The following AGRN variants were observed in gnomAD, a reference collection of about 807,000 sequenced individuals.
AGRN encodes the protein agrin, also known as agrin proteoglycan.
In AGRN, 106 loss-of-function variants were observed where a neutral mutation model predicts 211.0. The observed-to-expected ratio is 0.50, with a 90% CI of 0.43 to 0.59. The LOEUF is 0.59. AGRN is among the 20% of genes least tolerant of loss of function. AGRN has a pLI of 0.00. For missense variants in AGRN, 3,040 were observed against 2,982.6 expected (o/e 1.02, Z -0.45); for synonymous variants, 1,525 against 1,332.5 (o/e 1.14, Z -3.15).
chr1:1,022,831 C>T (rs1644438800), intron 2 of AGRN, among the ~76,000 whole-genome samples: 1 of 152,262 alleles, frequency 6.6e-6, no homozygotes, highest in African/African-American at 2.4e-5. Flanking sequence ...AGACCTCCGT[C>T]TAGACGGGCC....
At position 1,053,747 on chromosome 1, in the gene AGRN, C is replaced by T. The variant is rs1254169128; in HGVS notation, c.5652-6C>T. 6 of 1,594,554 alleles carry T rather than the reference C, an allele frequency of 3.8e-6. No individual in the cohort carries two copies. Among genetic ancestry groups the T allele is most frequent in the South Asian group, 2.3e-5 (2 of 87,856 alleles). ...TAGAGGCCCTGACCTGCCCTCTGCC[C>T]TCCAGCGAGAAGGCACTGCAGAGCA... is the stretch of plus-strand genomic sequence containing the variant. On this transcript the variant is annotated splice_region_variant and splice_polypyrimidine_tract_variant and intron_variant, in intron 33 of 35. Transcript: ENST00000379370.
intron 33 of AGRN, 126 bp from the exon 34 acceptor site, chr1:1,053,627 C>G (rs1645370950): frequency 6.8e-7 from 1 of 1,480,332 alleles, no homozygotes; most frequent in African/African-American, 1.4e-5. Context: ...TGTCTGCCCA[C>G]CAGCCACCCC....
intron 13 of AGRN, 29 bp from the exon 14 acceptor site, chr1:1,045,330 C>A: frequency 6.2e-7 from 1 of 1,612,058 alleles, no homozygotes; most frequent in Non-Finnish European, 8.5e-7. Context: ...TGTGCGGCCA[C>A]GTGACCTTGT....
At chr1:1,047,746 C>T (rs1557713302) in intron 21 of AGRN, 30 bp from the exon 22 acceptor site, 2 of 1,611,438 alleles carry the variant, frequency 1.2e-6, no homozygotes, top group Middle Eastern at 3.3e-4. Context: ...GCCTGGGGCT[C>T]TGCCATGCTC....
rs756533855 is a variant in AGRN, at chr1:1,049,269, C to T, written c.4332C>T (p.Thr1444=). 5.6e-6 allele frequency: 9 copies of T among 1,594,636 alleles called. No individual in the cohort carries two copies. Among genetic ancestry groups the T allele is most frequent in the Non-Finnish European group, 7.6e-6 (9 of 1,177,400 alleles). ...CAGGTTCGGGGCCGGCGGTGCTGAC[C>T]AGTGCCGTGCCGGTAGAGCCGGGCC... ...FDTGSGPAVL[T]SAVPVEPGQW... Residue 1444 remains threonine, a synonymous_variant, in exon 25 of 36, where the codon ACC becomes ACT. Coordinates refer to ENST00000379370, the MANE Select transcript of AGRN (RefSeq NM_198576.4).
At chr1:1,050,078 G>T (rs1460989600) in intron 27 of AGRN, 41 bp downstream of exon 27, 73 of 1,458,594 alleles carry the variant, frequency 5.0e-5, no homozygotes, top group African/African-American at 3.0e-4. Context: ...GGGGGGGGGG[G>T]TTGAACGTTT....
chr1:1,043,196 AGG>A, intron 7 of AGRN, 41 bp from the exon 8 acceptor site: 1 of 1,554,976 alleles, frequency 6.4e-7, no homozygotes, highest in East Asian at 2.4e-5. Flanking sequence ...CCTGCAGCGG[AGG>A]GGGGGCTTGT....
intron 2 of AGRN, among the ~76,000 whole-genome samples, chr1:1,033,275 T>A (rs1367809534): frequency 6.6e-6 from 1 of 151,700 alleles, no homozygotes; most frequent in Non-Finnish European, 1.5e-5. Flanking sequence ...CTCACCTCAC[T>A]CCACCCTCCA....
In AGRN at chr1:1,051,355, G is replaced by T; in HGVS notation, c.5356G>T (p.Gly1786Cys). Residue 1786 changes from glycine to cysteine, a missense_variant, in exon 31 of 36, where the codon GGT becomes TGT. Gly to Cys is a radical substitution (Grantham distance 159). Transcript: ENST00000379370. ...TGCTGCCGTGTCCTCTGGCTTCGAC[G>T]GTGCCATCCAGCTGGTATGTGGGGG... ...RAAAVSSGFDGAIQLVSLGGR... is the reference protein window; with the variant it reads ...RAAAVSSGFDCAIQLVSLGGR... 6.4e-7 allele frequency: 1 copy of T among 1,566,150 alleles called. No individual in the cohort carries two copies. Among genetic ancestry groups the T allele is most frequent in the East Asian group, 2.3e-5 (1 of 42,916 alleles).
rs771113092 is a variant in AGRN at position 1,049,291 on chromosome 1, G to A, written c.4354G>A (p.Gly1452Ser). 1.9e-6 allele frequency: 3 copies of A among 1,597,060 alleles called. No homozygotes were observed. Among genetic ancestry groups the A allele is most frequent in the Middle Eastern group, 1.7e-4 (1 of 6,056 alleles). ...GACCAGTGCCGTGCCGGTAGAGCCG[G>A]GCCAGTGGCACCGCCTGGAGCTGTC... ...VLTSAVPVEP[G>S]QWHRLELSRH... Residue 1452 changes from glycine to serine, a missense_variant, in exon 25 of 36, where the codon GGC becomes AGC. By Grantham distance (56) the Gly-to-Ser change is moderately conservative (BLOSUM62 0). Around this residue, in one of 3 missense-constraint regions of AGRN, gnomAD observed 1,537 missense variants for 1,505.0 expected, o/e 1.02. Transcript: ENST00000379370.
Position 1,054,831 on chromosome 1 carries a change from G to A in AGRN, c.5988G>A (p.Leu1996=), listed in dbSNP as rs1159449621. The change falls in exon 36 of 36, where the codon CTG becomes CTA. Residue 1996 remains leucine, a synonymous_variant. Coordinates refer to ENST00000379370, the MANE Select transcript of AGRN (RefSeq NM_198576.4). ...DTDGALWLGG[L]PELPVGPALP... ...CCACTGTCTGTGCTGCAGGGGGCCT[G>A]CCGGAGCTGCCCGTGGGCCCAGCAC... is the stretch of plus-strand genomic sequence containing the variant. The A allele has an allele frequency of 1.9e-6, 3 of 1,557,522 alleles. No individual in the cohort carries two copies. The highest frequency in any genetic ancestry group is 2.6e-6 in the Non-Finnish European group (3 of 1,153,062).
chr1:1,028,582 C>T (rs1570150157), intron 2 of AGRN, among the ~76,000 whole-genome samples: 3 of 126,888 alleles, frequency 2.4e-5, no homozygotes, highest in East Asian at 2.3e-4. Flanking sequence ...GGAACCGAGC[C>T]CCAGCCCCTC....
chr1:1,034,307 C>A, intron 2 of AGRN: 1 of 985,366 alleles, frequency 1.0e-6, no homozygotes. Context: ...CCTCCTCCGC[C>A]TACCTCGGAG....
chr1:1,054,574 A>G (rs1334064126), intron 35 of AGRN, 23 bp downstream of exon 35: 5 of 1,567,548 alleles, frequency 3.2e-6, no homozygotes, highest in Non-Finnish European at 4.3e-6. Flanking sequence ...GGGAGACTAG[A>G]GAGGGATGCC....
At chr1:1,024,489 G>C (rs1570138448) in intron 2 of AGRN, among the ~76,000 whole-genome samples, 1 of 152,014 alleles carries the variant, frequency 6.6e-6, no homozygotes, top group Non-Finnish European at 1.5e-5. Flanking sequence ...GCACAGGATG[G>C]CGTCTGGGCA....
In AGRN at chr1:1,034,290, C is replaced by G. The variant is rs569113956; in HGVS notation, c.464-987C>G. The G allele has an allele frequency of 8.0e-3, 7,853 of 985,444 alleles. 60 individuals are homozygous for G. The highest frequency in any genetic ancestry group is 0.033 in the African/African-American group (1,914 of 57,356). The allele number at this position is 985,444 out of a possible 1,614,324, so 61.0% of individuals were successfully genotyped here. A position where few individuals can be genotyped will look rare whatever the true frequency, so the allele number is the denominator to read the frequency against. On this transcript the variant is annotated intron_variant, in intron 2 of 35. Transcript: ENST00000379370. ...TGGGCAGCAGGGGTGGCTGCGGGCT[C>G]CCAGTCCCTCCTCCGCCTACCTCGG... is the stretch of plus-strand genomic sequence containing the variant.
In AGRN at chr1:1,055,169, GGGCTCGGCGTGGAT is replaced by G; in HGVS notation, c.*192_*205del. ...TGGACAGGCGAGGTGGCAGCGTGGA[GGGCTCGGCGTGGAT>G]GGCAGCCTCAGGACACACACCCCTG... is the stretch of plus-strand genomic sequence containing the variant. On this transcript the variant is annotated 3_prime_UTR_variant, in exon 36 of 36. Transcript: ENST00000379370. The G allele has an allele frequency of 1.1e-6, 1 of 949,058 alleles. No individual in the cohort carries two copies. Among genetic ancestry groups the G allele is most frequent in the Non-Finnish European group, 1.6e-6 (1 of 632,082 alleles). The allele number at this position is 949,058 out of a possible 1,614,324, so 58.8% of individuals were successfully genotyped here.
intron 2 of AGRN, among the ~76,000 whole-genome samples, chr1:1,029,994 T>C (rs1441590538): frequency 9.8e-6 from 1 of 102,342 alleles, no homozygotes; most frequent in Non-Finnish European, 2.0e-5. Flanking sequence ...TGTGTGTGTG[T>C]GTGCAGTGCA....
chr1:1,040,770 T>C lies in AGRN; in HGVS notation c.617T>C (p.Val206Ala). 1.3e-6 allele frequency: 2 copies of C among 1,540,858 alleles called. No individual in the cohort carries two copies. Among genetic ancestry groups the C allele is most frequent in the Non-Finnish European group, 1.7e-6 (2 of 1,147,272 alleles). ...VCKKSPCPSV[V>A]APVCGSDAST... ...AAGAAGAGCCCGTGCCCCAGCGTGG[T>C]GGCGCCTGTGTGTGGGTCGGACGCC... The change falls in exon 4 of 36, where the codon GTG (valine) becomes GCG (alanine). Residue 206 changes from valine (V) to alanine (A), a missense_variant. Transcript: ENST00000379370.
Sources: gnomAD v4.1 joint callset for allele counts (sites outside exome capture counted in the v4.1 genomes callset) on GRCh38, gnomAD v4.1.1 for gene constraint, gnomAD v4.1.1 regional missense constraint, MANE v1.5 for transcripts, NCBI Gene and HGNC (gene_info 2026-07-23, HGNC 2026-07-21) for gene names.